LOXHD1: variants seen among roughly 807,000 people sequenced by gnomAD.
LOXHD1 encodes lipoxygenase homology domain-containing protein 1.
Under a neutral mutation model 248.2 loss-of-function variants are expected in LOXHD1, and 205 were observed. The ratio of observed to expected loss-of-function variants is 0.83; its 90% confidence interval spans 0.74 to 0.93. The LOEUF (loss-of-function observed/expected upper bound fraction) is 0.93. LOXHD1 is among the 40% of genes least tolerant of loss of function. The pLI, the probability that LOXHD1 is intolerant of heterozygous loss-of-function variation, is 0.00. For synonymous variants in LOXHD1, 1,113 were observed against 1,162.8 expected (o/e 0.96, Z 0.87); for missense variants, 2,930 against 2,971.6 (o/e 0.99, Z 0.33).
chr18:46,649,186 C>G lies in LOXHD1; in HGVS notation c.214G>C (p.Gly72Arg), dbSNP rs1265613139. Residue 72 changes from glycine to arginine, a missense_variant, in exon 2 of 41, where the codon GGG becomes CGG. Physicochemically the swap from Gly to Arg is moderately radical, Grantham distance 125 (BLOSUM62 -2). Coordinates refer to ENST00000642948, the MANE Select transcript of LOXHD1 (RefSeq NM_001384474.1). ...NVFITLFGENGLSPKLQLTSK... is the reference protein window; with the variant it reads ...NVFITLFGENRLSPKLQLTSK... The stretch of plus-strand genomic sequence containing the variant: ...GTGAGCTGGAGCTTGGGAGAGAGCC[C>G]ATTCTCTCCAAAAAGCGTGATGAAG... 1.9e-6 allele frequency: 3 copies of G among 1,551,594 alleles called. No homozygotes were observed. In the African/African-American group the frequency reaches 4.1e-5, roughly 21 times the overall value.
chr18:46,643,428 G>A (rs1163829447), intron 2 of LOXHD1, among the ~76,000 whole-genome samples: 1 of 152,162 alleles, frequency 6.6e-6, no homozygotes, highest in Non-Finnish European at 1.5e-5. Context: ...TGAAGAGCAA[G>A]GAAAATACAA....
At chr18:46,520,394 T>G (rs1242766323) in intron 33 of LOXHD1, 1 of 434,482 alleles carries the variant, frequency 2.3e-6, no homozygotes, top group Non-Finnish European at 4.7e-6. Flanking sequence ...CCCATAGCCA[T>G]GAGCCAAAAA....
intron 29 of LOXHD1, among the ~76,000 whole-genome samples, chr18:46,528,773 C>A (rs1409068819): frequency 1.3e-5 from 2 of 152,328 alleles, no homozygotes; most frequent in African/African-American, 4.8e-5. Context: ...AACCAGGCCT[C>A]CAGATCCCCT....
chr18:46,572,652 C>G (rs2037775565), intron 14 of LOXHD1, among the ~76,000 whole-genome samples: 1 of 152,134 alleles, frequency 6.6e-6, no homozygotes. Flanking sequence ...AAAACAAGCA[C>G]CTCTTTTTCT....
chr18:46,518,065 G>T (rs1006907766), intron 34 of LOXHD1, 64 bp downstream of exon 34: 1 of 1,545,246 alleles, frequency 6.5e-7, no homozygotes, highest in South Asian at 1.2e-5. Flanking sequence ...GCTGAAGGCA[G>T]GGTGGGGCAG....
chr18:46,591,586 A>G (rs2144228837), intron 12 of LOXHD1, among the ~76,000 whole-genome samples: 1 of 152,320 alleles, frequency 6.6e-6, no homozygotes, highest in African/African-American at 2.4e-5. Context: ...CTTTTGGGGA[A>G]CATTTCATGC....
chr18:46,541,706 T>C (rs1313479453), intron 25 of LOXHD1, 70 bp downstream of exon 25: 40 of 1,510,346 alleles, frequency 2.6e-5, no homozygotes, highest in Non-Finnish European at 3.6e-5. Context: ...AAGGAAGAAC[T>C]GGGGCTGAGT....
At position 46,594,509 on chromosome 18, in the gene LOXHD1, GTAGGGT is replaced by G. The variant is rs1402101281; in HGVS notation, c.1135-49_1135-44del. ...CAGTGTCTCCGGCATTGAGTCTCCAGTAGGGTCCTCTTCGTGATGTTCAGCAGGCTC... is the reference window on the plus strand; with the variant it reads ...CAGTGTCTCCGGCATTGAGTCTCCAGCCTCTTCGTGATGTTCAGCAGGCTC... On this transcript the variant is annotated intron_variant, in intron 8 of 40. Coordinates refer to ENST00000642948, the MANE Select transcript of LOXHD1 (RefSeq NM_001384474.1). 17 of 1,549,690 alleles carry G rather than the reference GTAGGGT, an allele frequency of 1.1e-5. No individual in the cohort carries two copies. In the South Asian group the frequency reaches 1.7e-4, roughly 15 times the overall value.
Position 46,579,524 on chromosome 18 carries a change from C to T in LOXHD1, c.1809+106G>A, listed in dbSNP as rs1356399184. ...AGAGTGAGGCTCCTGATGGCTGAGG[C>T]CCCAGGACCAGCATCAGCTCAACTT... On this transcript the variant is annotated intron_variant, in intron 13 of 40. Transcript: ENST00000642948. 1.4e-5 allele frequency: 20 copies of T among 1,447,712 alleles called. No individual in the cohort carries two copies. In the East Asian group the frequency reaches 4.5e-4, roughly 32 times the overall value. The allele number at this position is 1,447,712 out of a possible 1,614,324, so 89.7% of individuals were successfully genotyped here.
intron 4 of LOXHD1, among the ~76,000 whole-genome samples, chr18:46,626,762 C>T (rs551150486): frequency 6.6e-6 from 1 of 152,114 alleles, no homozygotes; most frequent in Non-Finnish European, 1.5e-5. Context: ...AAGTTCAAGC[C>T]TCTGTGTTTG....
intron 27 of LOXHD1, 118 bp from the exon 28 acceptor site, chr18:46,533,442 A>C: frequency 9.2e-7 from 1 of 1,082,154 alleles, no homozygotes; most frequent in Non-Finnish European, 1.3e-6. Flanking sequence ...CCCATAAATA[A>C]TGTAAAAGCC....
chr18:46,633,896 C>A (rs941233924), intron 4 of LOXHD1, among the ~76,000 whole-genome samples: 10 of 152,216 alleles, frequency 6.6e-5, no homozygotes, highest in African/African-American at 2.4e-4. Context: ...CATTAGGGAT[C>A]ATTTCCCACC....
At chr18:46,639,854 C>A in intron 3 of LOXHD1, 54 bp from the exon 4 acceptor site, 1 of 1,541,172 alleles carries the variant, frequency 6.5e-7, no homozygotes, top group South Asian at 1.2e-5. Context: ...AACAGCACCC[C>A]TTCCATACTG....
chr18:46,601,132 T>A (rs1258871889), intron 8 of LOXHD1, 85 bp downstream of exon 8: 1 of 1,467,724 alleles, frequency 6.8e-7, no homozygotes, highest in Non-Finnish European at 9.1e-7. Flanking sequence ...TTCAGAGAAG[T>A]AGCATTCAGG....
chr18:46,477,396 G>T lies in LOXHD1; in HGVS notation c.*76C>A. 6.6e-7 allele frequency: 1 copy of T among 1,522,998 alleles called. No homozygotes were observed. The highest frequency in any genetic ancestry group is 8.8e-7 in the Non-Finnish European group (1 of 1,131,062). The allele number at this position is 1,522,998 out of a possible 1,614,324, so 94.3% of individuals were successfully genotyped here. A position where few individuals can be genotyped will look rare whatever the true frequency, so the allele number is the denominator to read the frequency against. Reference sequence around the variant, plus strand: ...AGTGCCAATGCTAGAGGCTTTGAAGGGCTGCTGACCGCCAAGGTGGAGGGC... The same window carrying T: ...AGTGCCAATGCTAGAGGCTTTGAAGTGCTGCTGACCGCCAAGGTGGAGGGC... On this transcript the variant is annotated 3_prime_UTR_variant, in exon 41 of 41. Coordinates refer to ENST00000642948, the MANE Select transcript of LOXHD1 (RefSeq NM_001384474.1).
At chr18:46,530,573 G>C (rs1423435649) in intron 28 of LOXHD1, among the ~76,000 whole-genome samples, 3 of 152,110 alleles carry the variant, frequency 2.0e-5, no homozygotes, top group South Asian at 2.1e-4. Flanking sequence ...ATTCCTAGAA[G>C]ACCCTCAAAA....
At chr18:46,560,048 T>TCCCGCCCCCCC in intron 19 of LOXHD1, 35 bp downstream of exon 19, 1 of 1,226,298 alleles carries the variant, frequency 8.2e-7, no homozygotes, top group Non-Finnish European at 1.1e-6. Flanking sequence ...GTCTGGCCAC[T>TCCCGCCCCCCC]CCCTCCCCAC....
rs2144418097 is a variant in LOXHD1, at chr18:46,656,975, TCGTACAGGG to T, written c.50_58del (p.Ala17_Tyr19del). The T allele has an allele frequency of 1.3e-6, 2 of 1,551,658 alleles. No homozygotes were observed. Among genetic ancestry groups the T allele is most frequent in the East Asian group, 4.9e-5 (2 of 40,910 alleles). ...CGAGGCGTAGTTCAGCAGCTCCGCT[TCGTACAGGG>T]CCAGGAAGTCGATGTCCTTCTTCCT... On this transcript the variant is annotated inframe_deletion, in exon 1 of 41. Transcript: ENST00000642948.
intron 26 of LOXHD1, among the ~76,000 whole-genome samples, chr18:46,535,858 A>G (rs901627640): frequency 3.3e-5 from 5 of 152,176 alleles, no homozygotes; most frequent in Admixed American, 3.3e-4. Flanking sequence ...GGCGTGAGCC[A>G]CCGCGCCTGG....
Sources: allele counts gnomAD v4.1 joint callset (sites outside exome capture counted in the v4.1 genomes callset), GRCh38; gene constraint gnomAD v4.1.1; transcripts MANE v1.5; gene names NCBI Gene and HGNC (gene_info 2026-07-23, HGNC 2026-07-21).